The following XKR9 variants were observed in gnomAD, a reference collection of about 807,000 sequenced individuals.
XKR9 encodes XK related 9.
Under a neutral mutation model 32.0 loss-of-function variants are expected in XKR9, and 32 were observed. The observed-to-expected ratio is 1.00, with a 90% confidence interval of 0.76 to 1.34. The LOEUF is 1.34. Among genes scored for constraint, XKR9 ranks in the 40% most tolerant of loss-of-function variants. The probability of loss-of-function intolerance (pLI) is 0.00; values close to 1 mark genes in which losing one functional copy is unlikely to be tolerated. For missense variants in XKR9, 546 were observed against 429.7 expected (o/e 1.27, Z -2.39); for synonymous variants, 168 against 143.4 (o/e 1.17, Z -1.22).
chr8:71,047,498 A>G, the XKR9 span, among the ~76,000 whole-genome samples: 2 of 152,230 alleles, frequency 1.3e-5, no homozygotes, highest in Non-Finnish European at 2.9e-5. Flanking sequence ...TGGTTTCCAA[A>G]GTGATCATGT....
chr8:70,796,112 C>T, the XKR9 span, among the ~76,000 whole-genome samples: 1 of 151,324 alleles, frequency 6.6e-6, no homozygotes, highest in Non-Finnish European at 1.5e-5. Flanking sequence ...GGTTTTTTGA[C>T]AGAAAATTGC....
chr8:71,028,603 A>C, the XKR9 span, among the ~76,000 whole-genome samples: 1 of 152,312 alleles, frequency 6.6e-6, no homozygotes, highest in Non-Finnish European at 1.5e-5. Context: ...TTTATTTCAA[A>C]ACAATTGAGA....
rs530957873 is a variant in XKR9, at chr8:70,776,014, G to A, written n.353-13325G>A. On this transcript the variant is annotated intron_variant and non_coding_transcript_variant, in intron 2 of 3. Transcript: ENST00000520273. ...TCCCATCTCAGCCTCCCAAATTGCT[G>A]GGATTACAGGCATAAGCCACTGCCC... Among the ~76,000 whole-genome samples, 826 of 152,156 alleles carry A rather than the reference G, an allele frequency of 5.4e-3. 12 individuals carry two copies. Among genetic ancestry groups the A allele is most frequent in the African/African-American group, 0.019 (793 of 41,518 alleles).
the XKR9 span, among the ~76,000 whole-genome samples, chr8:70,836,758 A>G: frequency 3.3e-5 from 5 of 152,056 alleles, no homozygotes; most frequent in Non-Finnish European, 7.4e-5. Flanking sequence ...AGTTTTATAA[A>G]TAGTCTTTTA....
intron 2 of XKR9, among the ~76,000 whole-genome samples, chr8:70,786,160 C>G (rs1016003430): frequency 6.6e-6 from 1 of 152,122 alleles, no homozygotes; most frequent in African/African-American, 2.4e-5. Context: ...TTTCAGTCTT[C>G]TTAAATATGC....
At chr8:71,020,053 C>T in the XKR9 span, among the ~76,000 whole-genome samples, 1 of 152,134 alleles carries the variant, frequency 6.6e-6, no homozygotes, top group Non-Finnish European at 1.5e-5. Context: ...CAAACATGTG[C>T]CACTATAGAG....
the XKR9 span, among the ~76,000 whole-genome samples, chr8:70,840,430 C>A: frequency 1.3e-5 from 2 of 152,060 alleles, no homozygotes; most frequent in Admixed American, 1.3e-4. Flanking sequence ...CAATGGAAAA[C>A]CCATCTCAAA....
intron 2 of XKR9, among the ~76,000 whole-genome samples, chr8:70,765,638 C>A (rs777609823): frequency 4.6e-5 from 7 of 152,086 alleles, no homozygotes; most frequent in Non-Finnish European, 8.8e-5. Context: ...TTTTGGCTTG[C>A]GTTGCAGTTG....
chr8:70,732,000 A>T (rs1209035518), intron 4 of XKR9, among the ~76,000 whole-genome samples: 4 of 152,192 alleles, frequency 2.6e-5, no homozygotes, highest in Non-Finnish European at 4.4e-5. Context: ...GATTAAGGAG[A>T]AGTCTCCTGA....
At chr8:70,747,872 T>C (rs1807079998) in intron 2 of XKR9, among the ~76,000 whole-genome samples, 1 of 152,202 alleles carries the variant, frequency 6.6e-6, no homozygotes, top group Non-Finnish European at 1.5e-5. Context: ...TTTCTGCATA[T>C]GTAAAATAAG....
chr8:70,951,716 G>T, the XKR9 span, among the ~76,000 whole-genome samples: 4 of 152,200 alleles, frequency 2.6e-5, no homozygotes, highest in African/African-American at 9.6e-5. Context: ...ACCCCAAAAT[G>T]AATCCCAAAT....
At chr8:70,726,516 G>T (rs1806475202) in intron 4 of XKR9, among the ~76,000 whole-genome samples, 1 of 152,172 alleles carries the variant, frequency 6.6e-6, no homozygotes, top group Admixed American at 6.5e-5. Flanking sequence ...GGTAAGAATA[G>T]AGCATTCAAT....
At chr8:70,904,045 C>T in the XKR9 span, among the ~76,000 whole-genome samples, 5 of 151,960 alleles carry the variant, frequency 3.3e-5, no homozygotes, top group Non-Finnish European at 5.9e-5. Flanking sequence ...CCAACTATGT[C>T]GTCAATATTG....
chr8:71,042,527 T>C, the XKR9 span, among the ~76,000 whole-genome samples: 1 of 152,166 alleles, frequency 6.6e-6, no homozygotes. Context: ...ATAAAGAATA[T>C]GTGATTTCAT....
chr8:70,696,541 T>C (rs796199623), intron 3 of XKR9, among the ~76,000 whole-genome samples: 1 of 149,898 alleles, frequency 6.7e-6, no homozygotes, highest in East Asian at 1.9e-4. Flanking sequence ...CATTGATCTA[T>C]ATCTCTGTTT....
chr8:71,059,688 C>T, the XKR9 span, among the ~76,000 whole-genome samples: 1 of 152,152 alleles, frequency 6.6e-6, no homozygotes, highest in Non-Finnish European at 1.5e-5. Context: ...TGCTTCCACT[C>T]CCCGCCCAGT....
intron 2 of XKR9, among the ~76,000 whole-genome samples, chr8:70,761,515 G>T (rs1586887771): frequency 6.6e-6 from 1 of 152,196 alleles, no homozygotes; most frequent in Middle Eastern, 3.4e-3. Flanking sequence ...CTTTTGAGAA[G>T]TGTCTGTTCA....
chr8:70,787,864 A>C (rs1807709090), intron 2 of XKR9, among the ~76,000 whole-genome samples: 1 of 152,086 alleles, frequency 6.6e-6, no homozygotes, highest in Non-Finnish European at 1.5e-5. Context: ...AAGGATTATT[A>C]AGGTATTTGG....
chr8:70,789,762 C>A (rs1807739578), intron 3 of XKR9, among the ~76,000 whole-genome samples: 1 of 151,792 alleles, frequency 6.6e-6, no homozygotes, highest in Admixed American at 6.6e-5. Flanking sequence ...AAAGCAAAGT[C>A]ATCTTGTGGA....
Sources: gnomAD v4.1 joint callset for allele counts (sites outside exome capture counted in the v4.1 genomes callset) on GRCh38, gnomAD v4.1.1 for gene constraint, MANE v1.5 for transcripts, NCBI Gene and HGNC (gene_info 2026-07-23, HGNC 2026-07-21) for gene names.